The following NSMAF variants were observed in gnomAD, a reference collection of about 807,000 sequenced individuals.
NSMAF encodes the protein protein FAN.
Under a neutral mutation model 134.9 loss-of-function variants are expected in NSMAF, and 90 were observed. The observed-to-expected ratio is 0.67, with a 90% confidence interval of 0.56 to 0.79. NSMAF has a LOEUF of 0.79. Ranked by LOEUF, NSMAF falls within the 30% of genes least tolerant of loss-of-function variation. The pLI is 0.00. For synonymous variants in NSMAF, 358 were observed against 389.6 expected, an observed-to-expected ratio of 0.92 and a Z score of 0.96; for missense variants, 1,010 against 1,119.0, an observed-to-expected ratio of 0.90 and a Z score of 1.39.
chr8:58,656,932 A>T (rs1807728528), intron 1 of NSMAF, among the ~76,000 whole-genome samples: 2 of 152,326 alleles, frequency 1.3e-5, no homozygotes, highest in African/African-American at 4.8e-5. Flanking sequence ...GTACATACCA[A>T]ATATTGCATA....
intron 1 of NSMAF, chr8:58,659,272 C>T: frequency 6.6e-7 from 1 of 1,512,084 alleles, no homozygotes; most frequent in Non-Finnish European, 8.8e-7. Flanking sequence ...GAGCTGCCCG[C>T]GGCCGCCGGG....
chr8:58,590,891 T>C lies in NSMAF; in HGVS notation c.1995A>G (p.Gln665=). The C allele has an allele frequency of 6.4e-7, 1 of 1,563,868 alleles. No individual in the cohort carries two copies. The highest frequency in any genetic ancestry group is 1.1e-5 in the South Asian group (1 of 90,012). Residue 665 remains glutamine, a synonymous_variant, in exon 24 of 31, where the codon CAA becomes CAG. Transcript: ENST00000038176. ...KMFSKESKML[Q]RSISFSNMAL... ...CCATATTTGAAAATGATATACTTCT[T>C]TGTAGCATTTTTGATTCTTTAGAAA...
At chr8:58,608,761 C>T (rs1018422436) in intron 10 of NSMAF, among the ~76,000 whole-genome samples, 2 of 152,172 alleles carry the variant, frequency 1.3e-5, no homozygotes, top group South Asian at 2.1e-4. Context: ...CTAGTGGACA[C>T]AATCACTATA....
chr8:58,632,601 G>C (rs1207718931), intron 5 of NSMAF, among the ~76,000 whole-genome samples: 1 of 152,264 alleles, frequency 6.6e-6, no homozygotes, highest in East Asian at 1.9e-4. Context: ...TCTTAAATTA[G>C]AGAGGTGCAG....
rs781440282 is a variant in NSMAF at position 58,595,582 on chromosome 8, C to G, written c.1870G>C (p.Glu624Gln). 78 of 1,613,378 alleles carry G rather than the reference C, an allele frequency of 4.8e-5. No homozygotes were observed. The highest frequency in any genetic ancestry group is 1.1e-4 in the African/African-American group (8 of 74,908). Residue 624 changes from glutamate (E) to glutamine (Q), a missense_variant, in exon 22 of 31, where the codon GAG (glutamate) becomes CAG (glutamine). Coordinates refer to ENST00000038176, the MANE Select transcript of NSMAF (RefSeq NM_003580.4). ...WNNITKLQLH[E>Q]HYKIHKEAVT... is the part of the protein sequence containing the mutation. ...TACTCTTTGTGGATTTTATAGTGCT[C>G]GTGTAACTGCAGTTTGGTGATGTTA...
At chr8:58,622,541 C>T (rs180864351) in intron 9 of NSMAF, among the ~76,000 whole-genome samples, 83 of 152,052 alleles carry the variant, frequency 5.5e-4, no homozygotes, top group African/African-American at 2.0e-3. Flanking sequence ...TTACAGGTGC[C>T]CGCCACCATG....
chr8:58,624,457 T>C (rs925453091), intron 6 of NSMAF, among the ~76,000 whole-genome samples: 1 of 152,184 alleles, frequency 6.6e-6, no homozygotes, highest in East Asian at 1.9e-4. Flanking sequence ...TTTTGGTATA[T>C]CATGTTTTCA....
intron 9 of NSMAF, among the ~76,000 whole-genome samples, chr8:58,620,204 T>C (rs1487269614): frequency 6.6e-6 from 1 of 152,184 alleles, no homozygotes; most frequent in Non-Finnish European, 1.5e-5. Flanking sequence ...TTATTGCAAC[T>C]TGAAGTCTCA....
intron 9 of NSMAF, among the ~76,000 whole-genome samples, chr8:58,622,877 G>A (rs1009008061): frequency 6.6e-6 from 1 of 152,076 alleles, no homozygotes; most frequent in African/African-American, 2.4e-5. Flanking sequence ...AGAGGGAGGA[G>A]AAGAAAAGTA....
At chr8:58,606,271 A>T (rs957926871) in intron 11 of NSMAF, among the ~76,000 whole-genome samples, 1 of 152,206 alleles carries the variant, frequency 6.6e-6, no homozygotes, top group African/African-American at 2.4e-5. Context: ...TATCTCAGCT[A>T]AACTTTGTAA....
chr8:58,659,378 G>A, intron 1 of NSMAF, 195 bp downstream of exon 1: 1 of 1,521,116 alleles, frequency 6.6e-7, no homozygotes. Context: ...CTCCGGCCCA[G>A]ACCAGGCCCC....
chr8:58,644,655 A>C (rs113865246), intron 1 of NSMAF, among the ~76,000 whole-genome samples: 51,842 of 152,086 alleles, frequency 0.34, 9,047 homozygotes, highest in Non-Finnish European at 0.36. Context: ...GCTACAAAGA[A>C]ACAGGCACAC....
rs190952506 is a variant in NSMAF at position 58,634,688 on chromosome 8, T to C, written c.333+501A>G. On this transcript the variant is annotated intron_variant, in intron 5 of 30. Coordinates refer to ENST00000038176, the MANE Select transcript of NSMAF (RefSeq NM_003580.4). Reference sequence around the variant, plus strand: ...GACAGGAGAAAAAGCATGTTTTAATTGACCTTTTATTGCCAATGCTGTCAT... The same window carrying C: ...GACAGGAGAAAAAGCATGTTTTAATCGACCTTTTATTGCCAATGCTGTCAT... Among the ~76,000 whole-genome samples the C allele has an allele frequency of 5.3e-5, 8 of 152,348 alleles. No individual in the cohort carries two copies. In the East Asian group the frequency reaches 1.5e-3, roughly 29 times the overall value.
At chr8:58,617,612 T>C (rs1318266862) in intron 9 of NSMAF, among the ~76,000 whole-genome samples, 2 of 152,104 alleles carry the variant, frequency 1.3e-5, no homozygotes, top group South Asian at 2.1e-4. Flanking sequence ...CACAACAAGA[T>C]ACCATCTCAT....
intron 19 of NSMAF, among the ~76,000 whole-genome samples, chr8:58,598,690 A>C (rs1269100663): frequency 6.6e-6 from 1 of 152,040 alleles, no homozygotes; most frequent in African/African-American, 2.4e-5. Context: ...ATTTGGTATT[A>C]TTTGGGCAAA....
At position 58,657,099 on chromosome 8, in the gene NSMAF, G is replaced by A. The variant is rs112251427; in HGVS notation, c.59+2474C>T. 3.1e-3 allele frequency among the ~76,000 whole-genome samples: 474 copies of A among 152,076 alleles called. 1 individual carries two copies. The highest frequency in any genetic ancestry group is 9.6e-3 in the African/African-American group (400 of 41,486). ...CCACACCAAGACCTGTCAATCACACGTCCTAAAAACATCTAGAATCCATCC... is the reference window on the plus strand; with the variant it reads ...CCACACCAAGACCTGTCAATCACACATCCTAAAAACATCTAGAATCCATCC... On this transcript the variant is annotated intron_variant, in intron 1 of 30. Coordinates refer to ENST00000038176, the MANE Select transcript of NSMAF (RefSeq NM_003580.4).
intron 1 of NSMAF, among the ~76,000 whole-genome samples, chr8:58,654,280 G>C (rs1297576322): frequency 6.6e-6 from 1 of 152,186 alleles, no homozygotes; most frequent in East Asian, 1.9e-4. Context: ...AGACACAATT[G>C]ATTAAACAAA....
chr8:58,598,500 A>G (rs1192649443), intron 19 of NSMAF, among the ~76,000 whole-genome samples: 5 of 41,822 alleles, frequency 1.2e-4, no homozygotes, highest in African/African-American at 2.3e-4. Context: ...CAAAAAAAAA[A>G]AAAAAAAAAA....
intron 22 of NSMAF, 60 bp downstream of exon 22, chr8:58,595,500 C>T: frequency 8.3e-7 from 1 of 1,203,610 alleles, no homozygotes; most frequent in Admixed American, 1.7e-5. Context: ...TAATCCCATG[C>T]CAAGACCCTA....
Sources: gnomAD v4.1 joint callset for allele counts (sites outside exome capture counted in the v4.1 genomes callset) on GRCh38, gnomAD v4.1.1 for gene constraint, MANE v1.5 for transcripts, NCBI Gene and HGNC (gene_info 2026-07-23, HGNC 2026-07-21) for gene names.